Variants in ANK2 observed in about 807,000 individuals in gnomAD.
The protein encoded by ANK2 is ankyrin-2.
ANK2 carries 83 observed loss-of-function variants against 360.5 expected under a neutral mutation model. The ratio of observed to expected loss-of-function variants is 0.23; its 90% CI spans 0.19 to 0.28. The LOEUF (loss-of-function observed/expected upper bound fraction) is 0.28. Ranked by LOEUF, ANK2 falls within the 10% of genes least tolerant of loss-of-function variation. The pLI is 1.00. For synonymous variants in ANK2, 1,740 were observed against 1,759.5 expected, an observed-to-expected ratio of 0.99 and a Z score of 0.28; for missense variants, 4,201 against 4,795.7, an observed-to-expected ratio of 0.88 and a Z score of 3.66.
intron 4 of ANK2, among the ~76,000 whole-genome samples, chr4:113,209,970 G>A (rs2099002058): frequency 6.6e-6 from 1 of 152,222 alleles, no homozygotes; most frequent in Admixed American, 6.5e-5. Context: ...AGGGGCTTCT[G>A]TGCCAGCAGA....
At chr4:112,829,016 G>T (rs75788677) in intron 1 of ANK2, among the ~76,000 whole-genome samples, 3,223 of 152,192 alleles carry the variant, frequency 0.021, 114 homozygotes, top group African/African-American at 0.074. Flanking sequence ...AATTAGCCGG[G>T]CGTGGTGGCG....
intron 24 of ANK2, among the ~76,000 whole-genome samples, chr4:113,312,707 GTCT>G (rs1208881080): frequency 6.6e-6 from 1 of 152,162 alleles, no homozygotes; most frequent in Non-Finnish European, 1.5e-5. Flanking sequence ...CCTTAACAAG[GTCT>G]TGAGCAAAGG....
rs113863356 is a variant in ANK2, at chr4:112,875,939, G to A, written c.-39-28516G>A. Among the ~76,000 whole-genome samples the A allele has an allele frequency of 4.4e-3, 605 of 137,810 alleles. 4 individuals are homozygous for A. Among genetic ancestry groups the A allele is most frequent in the African/African-American group, 0.015 (544 of 36,968 alleles). The allele number at this position is 137,810 out of a possible 152,430, so 90.4% of individuals were successfully genotyped here. The stretch of plus-strand genomic sequence containing the variant: ...CTTTTTTCTTTTTTTTTTTTTTTTA[G>A]AGACAAAGTCTCGCCATGTTTTCCA... On this transcript the variant is annotated intron_variant, in intron 1 of 30. Transcript: ENST00000503271.
chr4:112,788,058 G>C, the ANK2 span: 1 of 1,170,104 alleles, frequency 8.5e-7, no homozygotes. Flanking sequence ...TTATTTTTAT[G>C]TACAGAAAAC....
chr4:113,148,828 A>G (rs1337141634), intron 1 of ANK2, among the ~76,000 whole-genome samples: 1 of 152,204 alleles, frequency 6.6e-6, no homozygotes, highest in African/African-American at 2.4e-5. Context: ...CATGACTGAA[A>G]TGTAGTGATC....
chr4:113,029,829 A>G (rs1488475217), intron 2 of ANK2, among the ~76,000 whole-genome samples: 1 of 152,116 alleles, frequency 6.6e-6, no homozygotes, highest in Non-Finnish European at 1.5e-5. Flanking sequence ...AGGTACAGTT[A>G]TGGAGATGTC....
intron 1 of ANK2, among the ~76,000 whole-genome samples, chr4:113,092,044 CTG>C (rs2088518673): frequency 6.6e-6 from 1 of 152,116 alleles, no homozygotes; most frequent in South Asian, 2.1e-4. Context: ...TTGGTAGAAA[CTG>C]TGGATTTTCC....
intron 4 of ANK2, among the ~76,000 whole-genome samples, chr4:113,229,424 C>G (rs991859240): frequency 6.6e-6 from 1 of 152,284 alleles, no homozygotes; most frequent in Admixed American, 6.5e-5. Flanking sequence ...TTACATAGAG[C>G]CTGTTTGGAT....
At chr4:113,253,815 C>CAG (rs1402586221) in intron 10 of ANK2, among the ~76,000 whole-genome samples, 1 of 152,146 alleles carries the variant, frequency 6.6e-6, no homozygotes, top group African/African-American at 2.4e-5. Context: ...GGTCTATTCT[C>CAG]AGCACAGCAG....
At chr4:113,061,122 G>GT (rs938289169) in intron 1 of ANK2, among the ~76,000 whole-genome samples, 2 of 152,002 alleles carry the variant, frequency 1.3e-5, no homozygotes, top group Non-Finnish European at 2.9e-5. Flanking sequence ...GCTTTAAACT[G>GT]TTTTTTTGGA....
intron 2 of ANK2, among the ~76,000 whole-genome samples, chr4:112,946,154 C>T (rs1238565352): frequency 1.3e-5 from 2 of 152,128 alleles, no homozygotes; most frequent in African/African-American, 2.4e-5. Flanking sequence ...GGGTTTGTTG[C>T]CTTTCCTCGG....
intron 45 of ANK2, among the ~76,000 whole-genome samples, chr4:113,377,097 T>A (rs1471018790): frequency 6.6e-6 from 1 of 152,184 alleles, no homozygotes; most frequent in Non-Finnish European, 1.5e-5. Flanking sequence ...TAATACTTGA[T>A]AATGATAATA....
At chr4:112,821,788 A>G (rs1383969146) in intron 1 of ANK2, among the ~76,000 whole-genome samples, 1 of 125,816 alleles carries the variant, frequency 7.9e-6, no homozygotes, top group Non-Finnish European at 1.6e-5. Flanking sequence ...TTTTTTTTTG[A>G]GAAAGGGTCT....
At chr4:113,059,070 A>T (rs1290411914) in intron 1 of ANK2, among the ~76,000 whole-genome samples, 6 of 152,104 alleles carry the variant, frequency 3.9e-5, no homozygotes, top group Non-Finnish European at 8.8e-5. Flanking sequence ...GGCGTCTTTT[A>T]TATGGGCACT....
chr4:112,929,000 G>T (rs2092896166), intron 2 of ANK2, among the ~76,000 whole-genome samples: 1 of 151,832 alleles, frequency 6.6e-6, no homozygotes, highest in Non-Finnish European at 1.5e-5. Context: ...CTACAGGCGT[G>T]CACCACCATG....
intron 4 of ANK2, among the ~76,000 whole-genome samples, chr4:113,209,188 G>A (rs1486730834): frequency 2.8e-4 from 43 of 151,996 alleles, no homozygotes; most frequent in Admixed American, 2.7e-3. Context: ...AACAAGTTAT[G>A]GGAGGGGGAG....
chr4:113,177,292 G>A (rs2098251285), intron 2 of ANK2, among the ~76,000 whole-genome samples: 2 of 151,948 alleles, frequency 1.3e-5, no homozygotes, highest in African/African-American at 4.8e-5. Flanking sequence ...ATGTTAGCCA[G>A]GATGGTCTCG....
chr4:113,291,227 T>C (rs867781899), intron 20 of ANK2, among the ~76,000 whole-genome samples: 4 of 152,238 alleles, frequency 2.6e-5, no homozygotes, highest in Non-Finnish European at 4.4e-5. Context: ...TTAATGGATG[T>C]AAACACAACA....
chr4:112,865,885 T>C (rs1015052083), intron 1 of ANK2, among the ~76,000 whole-genome samples: 1 of 152,198 alleles, frequency 6.6e-6, no homozygotes, highest in Non-Finnish European at 1.5e-5. Flanking sequence ...TTGCTCTAAG[T>C]TTTAAAGAAA....
Sources: gnomAD v4.1 joint callset for allele counts (sites outside exome capture counted in the v4.1 genomes callset) on GRCh38, gnomAD v4.1.1 for gene constraint, MANE v1.5 for transcripts, NCBI Gene and HGNC (gene_info 2026-07-23, HGNC 2026-07-21) for gene names.